SLC4A10: variants seen among roughly 807,000 people sequenced by gnomAD.
The protein encoded by SLC4A10 is solute carrier family 4 member 10.
A neutral mutation model predicts 137.7 loss-of-function variants in SLC4A10; 42 were observed. The ratio of observed to expected loss-of-function variants is 0.30; its 90% CI spans 0.24 to 0.39. The LOEUF is 0.39. SLC4A10 is among the 10% of genes least tolerant of loss of function. The probability of loss-of-function intolerance (pLI) is 1.00; values close to 1 mark genes in which losing one functional copy is unlikely to be tolerated. For synonymous variants in SLC4A10, 474 were observed against 464.1 expected, an observed-to-expected ratio of 1.02 and a Z score of -0.27; for missense variants, 925 against 1,355.0, an observed-to-expected ratio of 0.68 and a Z score of 4.98.
chr2:161,920,205 G>A (rs1013548684), intron 15 of SLC4A10, among the ~76,000 whole-genome samples: 2 of 152,202 alleles, frequency 1.3e-5, no homozygotes, highest in African/African-American at 4.8e-5. Context: ...TGAGCCCAGA[G>A]GGCCCAAGCA....
chr2:161,802,244 C>A (rs2055447386), intron 2 of SLC4A10, among the ~76,000 whole-genome samples: 1 of 151,964 alleles, frequency 6.6e-6, no homozygotes, highest in African/African-American at 2.4e-5. Context: ...GATTTACATC[C>A]GTTCTTAAAA....
intron 14 of SLC4A10, among the ~76,000 whole-genome samples, 182 bp from the exon 15 acceptor site, chr2:161,905,460 T>C (rs891989950): frequency 6.6e-6 from 1 of 152,218 alleles, no homozygotes; most frequent in Non-Finnish European, 1.5e-5. Context: ...ACCCTTTTCA[T>C]AACAGGCCAT....
intron 1 of SLC4A10, among the ~76,000 whole-genome samples, chr2:161,691,855 C>T (rs963355702): frequency 2.0e-5 from 3 of 151,824 alleles, no homozygotes; most frequent in African/African-American, 7.3e-5. Context: ...GGTTAAGACA[C>T]AAAACATACA....
At chr2:161,968,063 G>A (rs1038773611) in intron 23 of SLC4A10, among the ~76,000 whole-genome samples, 2 of 150,668 alleles carry the variant, frequency 1.3e-5, no homozygotes, top group Admixed American at 6.6e-5. Flanking sequence ...AAACATTCTT[G>A]CCTTTTAGAA....
At chr2:161,879,415 T>C in intron 9 of SLC4A10, 127 bp downstream of exon 9, 1 of 985,090 alleles carries the variant, frequency 1.0e-6, no homozygotes, top group Non-Finnish European at 1.4e-6. Context: ...ACAAAACTAC[T>C]ATTAATTTTT....
intron 1 of SLC4A10, among the ~76,000 whole-genome samples, chr2:161,660,021 A>G (rs982286003): frequency 2.1e-5 from 3 of 145,600 alleles, no homozygotes; most frequent in Non-Finnish European, 4.6e-5. Flanking sequence ...TGGAGGGGGA[A>G]GGAAAGTCAC....
intron 1 of SLC4A10, among the ~76,000 whole-genome samples, chr2:161,676,765 G>C (rs1490580575): frequency 6.6e-6 from 1 of 151,962 alleles, no homozygotes; most frequent in Non-Finnish European, 1.5e-5. Context: ...AACTTAAGTT[G>C]CTTCACAGAA....
At chr2:161,675,548 A>G (rs1287513998) in intron 1 of SLC4A10, among the ~76,000 whole-genome samples, 1 of 152,200 alleles carries the variant, frequency 6.6e-6, no homozygotes, top group African/African-American at 2.4e-5. Context: ...CACATATGCT[A>G]ACCCTCTTAA....
chr2:161,799,921 GGTCTTCTCCT>G (rs1216133756), intron 2 of SLC4A10, among the ~76,000 whole-genome samples: 1 of 151,890 alleles, frequency 6.6e-6, no homozygotes, highest in Non-Finnish European at 1.5e-5. Flanking sequence ...TATAGTAAAT[GGTCTTCTCCT>G]GTCTTCTCCT....
chr2:161,962,358 A>G (rs906260346), intron 21 of SLC4A10, among the ~76,000 whole-genome samples: 3 of 152,202 alleles, frequency 2.0e-5, no homozygotes, highest in African/African-American at 7.2e-5. Flanking sequence ...ACTGAAGTAC[A>G]CTTATGCAAT....
chr2:161,744,288 G>T (rs1260119966), intron 1 of SLC4A10, among the ~76,000 whole-genome samples: 1 of 151,874 alleles, frequency 6.6e-6, no homozygotes, highest in Admixed American at 6.6e-5. Context: ...CTTTTATTGT[G>T]TTCAGGTATG....
At chr2:161,664,296 C>T (rs1322785713) in intron 1 of SLC4A10, among the ~76,000 whole-genome samples, 2 of 151,896 alleles carry the variant, frequency 1.3e-5, no homozygotes, top group African/African-American at 4.8e-5. Context: ...TCTTTGAACT[C>T]ATAACTAAAA....
chr2:161,752,743 CT>C (rs2125313303), intron 1 of SLC4A10, among the ~76,000 whole-genome samples: 1 of 152,140 alleles, frequency 6.6e-6, no homozygotes, highest in African/African-American at 2.4e-5. Context: ...ATGATCTCAC[CT>C]ATATGCGGAA....
chr2:161,703,796 A>G (rs1373144865), intron 1 of SLC4A10, among the ~76,000 whole-genome samples: 1 of 151,734 alleles, frequency 6.6e-6, no homozygotes, highest in South Asian at 2.1e-4. Flanking sequence ...CTGTTTAGGA[A>G]GGCAAAGTTG....
chr2:161,824,049 G>A (rs1000691691), intron 3 of SLC4A10, among the ~76,000 whole-genome samples: 2 of 152,168 alleles, frequency 1.3e-5, no homozygotes, highest in Admixed American at 1.3e-4. Context: ...CTTTGTCCCT[G>A]AAGTCAGGAA....
At chr2:161,714,713 T>G (rs2044660178) in intron 1 of SLC4A10, among the ~76,000 whole-genome samples, 1 of 152,034 alleles carries the variant, frequency 6.6e-6, no homozygotes, top group African/African-American at 2.4e-5. Context: ...GACTCCTGTG[T>G]TATGATCCCA....
At chr2:161,786,169 T>C (rs2053601247) in intron 2 of SLC4A10, among the ~76,000 whole-genome samples, 3 of 151,994 alleles carry the variant, frequency 2.0e-5, no homozygotes, top group African/African-American at 7.2e-5. Context: ...TGTCATTATA[T>C]AATGTTATTC....
At chr2:161,753,983 G>A (rs1312980448) in intron 1 of SLC4A10, among the ~76,000 whole-genome samples, 1 of 151,700 alleles carries the variant, frequency 6.6e-6, no homozygotes, top group Non-Finnish European at 1.5e-5. Context: ...TCTGCCTCCT[G>A]GGTTCAAGTG....
intron 1 of SLC4A10, among the ~76,000 whole-genome samples, chr2:161,645,072 G>A (rs941061983): frequency 1.3e-5 from 2 of 152,102 alleles, no homozygotes; most frequent in East Asian, 3.9e-4. Context: ...AATTGGAAGA[G>A]ACTATTTTTA....
Sources: gnomAD v4.1 joint callset for allele counts (sites outside exome capture counted in the v4.1 genomes callset) on GRCh38, gnomAD v4.1.1 for gene constraint, MANE v1.5 for transcripts, NCBI Gene and HGNC (gene_info 2026-07-23, HGNC 2026-07-21) for gene names.